DLG2: variants seen among roughly 807,000 people sequenced by gnomAD.
DLG2 encodes the protein disks large homolog 2.
DLG2 carries 45 observed loss-of-function variants against 132.5 expected under a neutral mutation model. That is an observed-to-expected ratio of 0.34 (90% CI 0.27 to 0.44). The LOEUF (loss-of-function observed/expected upper bound fraction) is 0.44. Ranked by LOEUF, DLG2 falls within the 20% of genes least tolerant of loss-of-function variation. DLG2 has a pLI of 1.00. For synonymous variants in DLG2, 424 were observed against 419.6 expected (o/e 1.01, Z -0.13); for missense variants, 1,045 against 1,196.9 (o/e 0.87, Z 1.87).
At position 84,679,116 on chromosome 11, in the gene DLG2, A is replaced by G. The variant is rs190329090; in HGVS notation, c.358-144385T>C. 2.8e-4 allele frequency among the ~76,000 whole-genome samples: 42 copies of G among 152,192 alleles called. No individual in the cohort carries two copies. The East Asian group carries it at 7.7e-3, about 28-fold the overall frequency. ...CACAATGTATTTGAAATAAAAAATAATACAAAATAACAGCAATGACTCCAA... is the reference window on the plus strand; with the variant it reads ...CACAATGTATTTGAAATAAAAAATAGTACAAAATAACAGCAATGACTCCAA... On this transcript the variant is annotated intron_variant, in intron 6 of 27. Coordinates refer to ENST00000376104, the MANE Select transcript of DLG2 (RefSeq NM_001142699.3).
At chr11:85,554,245 C>T (rs1221101811) in intron 3 of DLG2, among the ~76,000 whole-genome samples, 1 of 151,120 alleles carries the variant, frequency 6.6e-6, no homozygotes, top group Non-Finnish European at 1.5e-5. Flanking sequence ...AAACAATAGT[C>T]GTCGTCAAAC....
chr11:83,692,068 T>G (rs1050164732), intron 18 of DLG2: 4 of 152,254 alleles, frequency 2.6e-5, no homozygotes, highest in South Asian at 2.1e-4. Context: ...ATATTTTTCA[T>G]GTATCCGGTA....
intron 6 of DLG2, among the ~76,000 whole-genome samples, chr11:85,065,240 G>T (rs2064731488): frequency 6.6e-6 from 1 of 151,492 alleles, no homozygotes; most frequent in African/African-American, 2.4e-5. Flanking sequence ...TTCTAAAAGG[G>T]CTCTCTGTGG....
At chr11:84,442,005 G>GT (rs1364482667) in intron 7 of DLG2, among the ~76,000 whole-genome samples, 2 of 152,256 alleles carry the variant, frequency 1.3e-5, no homozygotes, top group African/African-American at 4.8e-5. Flanking sequence ...GTACCATGCT[G>GT]TTTTGGTTAC....
intron 3 of DLG2, among the ~76,000 whole-genome samples, chr11:85,501,648 G>C (rs950582053): frequency 1.3e-5 from 2 of 152,152 alleles, no homozygotes; most frequent in Non-Finnish European, 2.9e-5. Flanking sequence ...CATTTAGCTA[G>C]CCAACAGACA....
At chr11:84,011,263 G>A (rs1396970574) in intron 11 of DLG2, among the ~76,000 whole-genome samples, 1 of 151,978 alleles carries the variant, frequency 6.6e-6, no homozygotes, top group Non-Finnish European at 1.5e-5. Context: ...TTGAGCCCAA[G>A]AGTTTAGACC....
At chr11:84,559,790 C>G (rs1450515393) in intron 6 of DLG2, among the ~76,000 whole-genome samples, 1 of 152,040 alleles carries the variant, frequency 6.6e-6, no homozygotes, top group East Asian at 1.9e-4. Flanking sequence ...GGGTTTAGAT[C>G]TAAAAGGTTT....
intron 3 of DLG2, among the ~76,000 whole-genome samples, chr11:85,403,454 C>T (rs2088391099): frequency 6.6e-6 from 1 of 151,720 alleles, no homozygotes; most frequent in Non-Finnish European, 1.5e-5. Flanking sequence ...CAAACCTGCA[C>T]ATTGTGCACA....
intron 18 of DLG2, among the ~76,000 whole-genome samples, chr11:83,676,343 C>A (rs1401955631): frequency 6.6e-6 from 1 of 152,104 alleles, no homozygotes; most frequent in African/African-American, 2.4e-5. Context: ...GATTTCTTAA[C>A]AATATTGTGA....
chr11:84,091,268 G>A (rs2097089343), intron 10 of DLG2, among the ~76,000 whole-genome samples: 1 of 152,152 alleles, frequency 6.6e-6, no homozygotes, highest in African/African-American at 2.4e-5. Flanking sequence ...TTCTTGCCTT[G>A]CCTCTTGACT....
chr11:83,755,035 G>A (rs1387024347), intron 18 of DLG2, among the ~76,000 whole-genome samples: 7 of 151,290 alleles, frequency 4.6e-5, no homozygotes, highest in Non-Finnish European at 1.5e-5. Flanking sequence ...TTTGTTGTGA[G>A]AAAATTTAAA....
At chr11:84,919,220 T>A (rs2092641598) in intron 6 of DLG2, among the ~76,000 whole-genome samples, 1 of 152,182 alleles carries the variant, frequency 6.6e-6, no homozygotes, top group African/African-American at 2.4e-5. Context: ...GTCTAAGAAC[T>A]TTTTATAGGG....
At chr11:84,941,458 C>CT (rs2049407286) in intron 6 of DLG2, among the ~76,000 whole-genome samples, 1 of 151,944 alleles carries the variant, frequency 6.6e-6, no homozygotes. Flanking sequence ...TTTATCAAAT[C>CT]TTTTTTCAGC....
intron 7 of DLG2, among the ~76,000 whole-genome samples, chr11:84,532,117 ATTTTTTTT>A (rs67139617): frequency 9.6e-6 from 1 of 104,584 alleles, no homozygotes; most frequent in Non-Finnish European, 1.8e-5. Context: ...TGTTCTGTTC[ATTTTTTTT>A]TTTTTTTTTT....
chr11:85,095,329 G>GA (rs2069552692), intron 6 of DLG2, among the ~76,000 whole-genome samples: 2 of 152,290 alleles, frequency 1.3e-5, no homozygotes, highest in African/African-American at 4.8e-5. Context: ...TTGATTTGTA[G>GA]AAAACACAGT....
chr11:85,251,046 C>T (rs142602701), intron 4 of DLG2, among the ~76,000 whole-genome samples: 63 of 152,266 alleles, frequency 4.1e-4, no homozygotes, highest in African/African-American at 1.5e-3. Flanking sequence ...AAATCCATAG[C>T]TACTTCTATC....
chr11:85,194,042 G>T (rs1297583310), intron 4 of DLG2, among the ~76,000 whole-genome samples: 2 of 152,186 alleles, frequency 1.3e-5, no homozygotes, highest in African/African-American at 4.8e-5. Context: ...CTTTAGCAGT[G>T]GATTTAGTTT....
In DLG2 at chr11:85,551,070, T is replaced by C. The variant is rs533873349; in HGVS notation, c.40+47587A>G. ...AAATCCTGACACCATTATCAAAATATGAGGTAAAGGAGGAAGTGAGGTAAA... is the reference window on the plus strand; with the variant it reads ...AAATCCTGACACCATTATCAAAATACGAGGTAAAGGAGGAAGTGAGGTAAA... On this transcript the variant is annotated intron_variant, in intron 3 of 27. Transcript: ENST00000376104. 1.8e-4 allele frequency among the ~76,000 whole-genome samples: 27 copies of C among 152,334 alleles called. No homozygotes were observed. The South Asian group carries it at 5.2e-3, about 29-fold the overall frequency.
intron 18 of DLG2, among the ~76,000 whole-genome samples, chr11:83,648,573 G>C (rs2068990815): frequency 6.6e-6 from 1 of 152,126 alleles, no homozygotes; most frequent in East Asian, 1.9e-4. Flanking sequence ...TGAGGTGTCA[G>C]CAACCCTTGG....
Sources: allele counts gnomAD v4.1 joint callset (sites outside exome capture counted in the v4.1 genomes callset), GRCh38; gene constraint gnomAD v4.1.1; transcripts MANE v1.5; gene names NCBI Gene and HGNC (gene_info 2026-07-23, HGNC 2026-07-21).